The following PDE11A variants were observed in gnomAD, a reference collection of about 807,000 sequenced individuals.
PDE11A encodes dual 3',5'-cyclic-AMP and -GMP phosphodiesterase 11A.
In PDE11A, 100 loss-of-function variants were observed where a neutral mutation model predicts 100.5. That is an observed-to-expected ratio of 1.00 (90% CI 0.85 to 1.18). The LOEUF (loss-of-function observed/expected upper bound fraction) is 1.18. Among genes scored for constraint, PDE11A ranks in the 50% most tolerant of loss-of-function variants. The pLI is 0.00. For synonymous variants in PDE11A, 381 were observed against 420.8 expected (o/e 0.91, Z 1.16); for missense variants, 1,141 against 1,152.6 (o/e 0.99, Z 0.15).
chr2:177,810,820 C>G (rs949343016), intron 9 of PDE11A, among the ~76,000 whole-genome samples: 5 of 119,822 alleles, frequency 4.2e-5, no homozygotes, highest in Non-Finnish European at 8.7e-5. Context: ...TTGCAATTGT[C>G]CAGTGCAGAG....
chr2:177,737,420 T>TAGACACACACACACAC (rs1553543764), intron 10 of PDE11A, among the ~76,000 whole-genome samples: 1 of 110,434 alleles, frequency 9.1e-6, no homozygotes, highest in Non-Finnish European at 2.0e-5. Context: ...CTACTAAAAA[T>TAGACACACACACACAC]ACACACACAC....
intron 2 of PDE11A, among the ~76,000 whole-genome samples, chr2:178,097,974 T>C (rs922041400): frequency 6.6e-5 from 10 of 152,154 alleles, no homozygotes; most frequent in Non-Finnish European, 8.8e-5. Context: ...CAGGAGATAG[T>C]GAAATTGATC....
intron 1 of PDE11A, among the ~76,000 whole-genome samples, chr2:178,047,232 C>T (rs1385294287): frequency 1.3e-5 from 2 of 152,146 alleles, no homozygotes; most frequent in East Asian, 1.9e-4. Flanking sequence ...GAGGCCAAGG[C>T]GGATGGATCA....
At chr2:178,044,754 A>G (rs951097350) in intron 1 of PDE11A, among the ~76,000 whole-genome samples, 1 of 152,196 alleles carries the variant, frequency 6.6e-6, no homozygotes, top group Non-Finnish European at 1.5e-5. Context: ...TATAAATCAT[A>G]AAGTGCTACA....
At chr2:177,668,950 C>T (rs1003346502) in intron 18 of PDE11A, among the ~76,000 whole-genome samples, 6 of 152,090 alleles carry the variant, frequency 3.9e-5, no homozygotes, top group Admixed American at 1.3e-4. Context: ...TCATCTTGAG[C>T]GTAAAGTAAA....
intron 9 of PDE11A, among the ~76,000 whole-genome samples, chr2:177,809,530 G>T (rs978651453): frequency 2.6e-5 from 4 of 152,170 alleles, no homozygotes; most frequent in Non-Finnish European, 5.9e-5. Context: ...GAAAATGTTG[G>T]TGTCTGACAC....
chr2:177,811,037 G>T (rs1360661601), intron 9 of PDE11A, among the ~76,000 whole-genome samples: 1 of 152,050 alleles, frequency 6.6e-6, no homozygotes, highest in Non-Finnish European at 1.5e-5. Flanking sequence ...ATATTTTCTG[G>T]CAAATTTCTC....
At chr2:177,916,101 C>A (rs913951942) in intron 2 of PDE11A, among the ~76,000 whole-genome samples, 2 of 152,146 alleles carry the variant, frequency 1.3e-5, no homozygotes, top group African/African-American at 2.4e-5. Flanking sequence ...GGACTATACA[C>A]CCCTATTTAA....
chr2:177,714,402 C>A (rs143478909), intron 12 of PDE11A, among the ~76,000 whole-genome samples: 1 of 152,262 alleles, frequency 6.6e-6, no homozygotes, highest in African/African-American at 2.4e-5. Context: ...GCTTTACAGC[C>A]ATTTAACTTA....
chr2:178,045,904 AGCCTTGAACATGTGAACAGAACC>A (rs2086743853), intron 1 of PDE11A, among the ~76,000 whole-genome samples: 1 of 152,242 alleles, frequency 6.6e-6, no homozygotes, highest in Admixed American at 6.5e-5. Flanking sequence ...ACAGGAATCC[AGCCTTGAACATGTGAACAGAACC>A]TGAATGTAAT....
chr2:177,952,874 A>T (rs531274567), intron 2 of PDE11A, among the ~76,000 whole-genome samples: 20 of 152,270 alleles, frequency 1.3e-4, no homozygotes, highest in African/African-American at 4.8e-4. Context: ...ACAGGCAATT[A>T]CTGCTTTTCC....
In PDE11A at chr2:178,072,340, T is replaced by G; in HGVS notation, c.98A>C (p.Glu33Ala). ...CCTCTGCAGCCACTTTTCAACCATC[T>G]CCTGCTTCCCCTTCCGCATCAAGTA... The part of the protein sequence containing the change: ...EDYLMRKGKQ[E>A]MVEKWLQRHS... Residue 33 changes from glutamate (E) to alanine (A), a missense_variant, in exon 1 of 20, where the codon GAG becomes GCG. Coordinates refer to ENST00000286063, the MANE Select transcript of PDE11A (RefSeq NM_016953.4). 6.2e-7 allele frequency: 1 copy of G among 1,614,134 alleles called. No individual in the cohort carries two copies. Among genetic ancestry groups the G allele is most frequent in the Non-Finnish European group, 8.5e-7 (1 of 1,180,044 alleles).
chr2:178,051,110 G>A (rs1220664366), intron 1 of PDE11A, among the ~76,000 whole-genome samples: 1 of 152,154 alleles, frequency 6.6e-6, no homozygotes, highest in Non-Finnish European at 1.5e-5. Flanking sequence ...CAGAGAGAAA[G>A]GTCATGTTAC....
intron 2 of PDE11A, among the ~76,000 whole-genome samples, chr2:178,103,514 T>C (rs937909754): frequency 5.9e-5 from 9 of 152,006 alleles, no homozygotes; most frequent in African/African-American, 1.9e-4. Context: ...TTATGTTATA[T>C]AAATTTCACT....
At chr2:178,002,055 C>T (rs968406239) in intron 2 of PDE11A, among the ~76,000 whole-genome samples, 2 of 152,110 alleles carry the variant, frequency 1.3e-5, no homozygotes, top group African/African-American at 4.8e-5. Flanking sequence ...TTTTTCAACA[C>T]TTGCCCCTCT....
rs1244190220 is a variant in PDE11A at position 177,840,301 on chromosome 2, G to A, written c.1450C>T (p.Leu484Phe). The A allele has an allele frequency of 6.2e-7, 1 of 1,614,020 alleles. No individual in the cohort carries two copies. Among genetic ancestry groups the A allele is most frequent in the Non-Finnish European group, 8.5e-7 (1 of 1,179,894 alleles). ...TAGGCATCACTGATGTTCACTGGAA[G>A]GCCTGTTGAAGCAACCAGCTCAGCA... The part of the protein sequence containing the change: ...SIAELVASTG[L>F]PVNISDAYQD... The change falls in exon 6 of 20, where the codon CTT becomes TTT. Residue 484 changes from leucine to phenylalanine, a missense_variant. Leu to Phe is a conservative substitution (Grantham distance 22). Transcript: ENST00000286063.
At chr2:177,725,377 A>G (rs1162055940) in intron 12 of PDE11A, among the ~76,000 whole-genome samples, 1 of 152,182 alleles carries the variant, frequency 6.6e-6, no homozygotes, top group Non-Finnish European at 1.5e-5. Flanking sequence ...ACAAAATTTA[A>G]TGAGCAGAAA....
chr2:177,909,773 T>C (rs1198706126), intron 2 of PDE11A, among the ~76,000 whole-genome samples: 1 of 142,756 alleles, frequency 7.0e-6, no homozygotes, highest in East Asian at 2.1e-4. Flanking sequence ...CTTTTAGCAT[T>C]GGTGATAAAT....
chr2:177,998,066 C>CCA, intron 2 of PDE11A: 1 of 1,302,978 alleles, frequency 7.7e-7, no homozygotes, highest in Non-Finnish European at 1.1e-6. Flanking sequence ...AAGAGCCTGC[C>CCA]CACACACTCA....
Sources: allele counts gnomAD v4.1 joint callset (sites outside exome capture counted in the v4.1 genomes callset), GRCh38; gene constraint gnomAD v4.1.1; transcripts MANE v1.5; gene names NCBI Gene and HGNC (gene_info 2026-07-23, HGNC 2026-07-21).